CELF2: variants seen among roughly 807,000 people sequenced by gnomAD.
The protein encoded by CELF2 is CUGBP Elav-like family member 2.
Under a neutral mutation model 62.6 loss-of-function variants are expected in CELF2, and 8 were observed. The observed-to-expected ratio is 0.13, with a 90% CI of 0.07 to 0.23. The LOEUF is 0.23. Among genes scored for constraint, CELF2 ranks in the 10% least tolerant of loss-of-function variants. CELF2 has a pLI of 1.00. For missense variants in CELF2, 333 were observed against 671.0 expected (o/e 0.50, Z 5.56); for synonymous variants, 258 against 250.0 (o/e 1.03, Z -0.30).
chr10:11,028,815 G>A (rs1356955616), intron 1 of CELF2, among the ~76,000 whole-genome samples: 1 of 150,878 alleles, frequency 6.6e-6, no homozygotes, highest in South Asian at 2.1e-4. Flanking sequence ...CACCTCCTGG[G>A]TTCAAGTGAT....
chr10:10,578,187 C>T, the CELF2 span, among the ~76,000 whole-genome samples: 4 of 152,048 alleles, frequency 2.6e-5, no homozygotes, highest in Non-Finnish European at 4.4e-5. Flanking sequence ...TCATATCCTT[C>T]ACCCACTTTT....
chr10:11,224,469 T>C lies in CELF2; in HGVS notation c.354+6962T>C, dbSNP rs1286071681. 6.6e-6 allele frequency among the ~76,000 whole-genome samples: 1 copy of C among 152,194 alleles called. No homozygotes were observed. Among genetic ancestry groups the C allele is most frequent in the Non-Finnish European group, 1.5e-5 (1 of 68,048 alleles). On this transcript the variant is annotated intron_variant, in intron 3 of 12. Coordinates refer to ENST00000633077, the MANE Select transcript of CELF2 (RefSeq NM_001326342.2). The surrounding 1 kb of genome is among the most constrained non-coding windows in gnomAD (Gnocchi z 4.5). ...TTAAACTGGGAATATGCAGTTCACT[T>C]ACGTCGACCTTAGTTCCCAAAAGGT...
intron 1 of CELF2, among the ~76,000 whole-genome samples, chr10:11,025,398 C>T (rs976134256): frequency 9.2e-5 from 14 of 152,020 alleles, no homozygotes; most frequent in Non-Finnish European, 4.4e-5. Flanking sequence ...GACAGTTTCT[C>T]GTGTGCTGTC....
At chr10:11,127,809 A>G (rs926634103) in intron 1 of CELF2, among the ~76,000 whole-genome samples, 1 of 152,106 alleles carries the variant, frequency 6.6e-6, no homozygotes, top group Non-Finnish European at 1.5e-5. Flanking sequence ...AGATTGTAAC[A>G]ATTTTCTCCC....
chr10:10,912,349 C>G (rs1331395985), intron 1 of CELF2, among the ~76,000 whole-genome samples: 2 of 152,114 alleles, frequency 1.3e-5, no homozygotes, highest in Non-Finnish European at 2.9e-5. Flanking sequence ...TGGTTTTTGT[C>G]TATCTCCCAC....
intron 2 of CELF2, among the ~76,000 whole-genome samples, chr10:11,196,407 A>G (rs925497243): frequency 2.0e-5 from 3 of 152,260 alleles, no homozygotes; most frequent in African/African-American, 7.2e-5. Flanking sequence ...CACACCTGTA[A>G]TCCCAGCACT....
chr10:10,537,305 T>C, the CELF2 span, among the ~76,000 whole-genome samples: 1 of 152,158 alleles, frequency 6.6e-6, no homozygotes, highest in South Asian at 2.1e-4. Flanking sequence ...TCAGTAGCTT[T>C]ATAACCGGCC....
At chr10:11,128,091 C>G (rs973494028) in intron 1 of CELF2, among the ~76,000 whole-genome samples, 14 of 152,178 alleles carry the variant, frequency 9.2e-5, no homozygotes, top group Non-Finnish European at 1.6e-4. Flanking sequence ...TTTCAGCTTT[C>G]TACATATGGC....
intron 1 of CELF2, among the ~76,000 whole-genome samples, chr10:10,846,447 T>C (rs766342366): frequency 1.1e-4 from 16 of 152,152 alleles, no homozygotes; most frequent in Non-Finnish European, 1.9e-4. Flanking sequence ...CAAATATTAT[T>C]GAAATAAGCA....
chr10:11,037,457 C>G (rs2061144480), intron 1 of CELF2, among the ~76,000 whole-genome samples: 1 of 152,226 alleles, frequency 6.6e-6, no homozygotes, highest in South Asian at 2.1e-4. Flanking sequence ...TGTTTCTCAA[C>G]TTGTGATCTT....
intron 2 of CELF2, among the ~76,000 whole-genome samples, chr10:10,941,354 G>A (rs2047029371): frequency 6.6e-6 from 1 of 152,198 alleles, no homozygotes. Flanking sequence ...GCCAGCTACA[G>A]AGGAGTGTGG....
chr10:10,595,831 G>A, the CELF2 span, among the ~76,000 whole-genome samples: 7 of 152,140 alleles, frequency 4.6e-5, no homozygotes, highest in African/African-American at 1.7e-4. Context: ...AGGGGGTGGA[G>A]GTTGCAGTGA....
At chr10:11,058,253 C>G (rs2065798137) in intron 1 of CELF2, among the ~76,000 whole-genome samples, 1 of 152,108 alleles carries the variant, frequency 6.6e-6, no homozygotes, top group East Asian at 1.9e-4. Context: ...AATTATTCTC[C>G]TGTAGTCTGA....
chr10:11,269,270 G>C lies in CELF2; in HGVS notation c.619-1396G>C, dbSNP rs1165951401. ...ACTGACATTTAACATTCTGTACCAT[G>C]ACTCTGTCTACCAGAGCTGAAGACC... On this transcript the variant is annotated intron_variant, in intron 6 of 12. Coordinates refer to ENST00000633077, the MANE Select transcript of CELF2 (RefSeq NM_001326342.2). This position sits in a 1 kb window ranked among gnomAD's most constrained non-coding sequence, Gnocchi z 4.4. Among the ~76,000 whole-genome samples the C allele has an allele frequency of 6.6e-6, 1 of 152,160 alleles. No homozygotes were observed. Among genetic ancestry groups the C allele is most frequent in the African/African-American group, 2.4e-5 (1 of 41,436 alleles).
the CELF2 span, among the ~76,000 whole-genome samples, chr10:10,784,153 G>A: frequency 1.3e-5 from 2 of 152,180 alleles, no homozygotes; most frequent in East Asian, 3.9e-4. Flanking sequence ...CTTGCAGGAT[G>A]AGCAACAGGG....
chr10:11,123,435 G>T (rs2058125699), intron 1 of CELF2, among the ~76,000 whole-genome samples: 1 of 152,006 alleles, frequency 6.6e-6, no homozygotes, highest in South Asian at 2.1e-4. Context: ...ATTTTTTGTA[G>T]AGACAGGGTC....
intron 1 of CELF2, among the ~76,000 whole-genome samples, chr10:11,032,942 T>C (rs1450498191): frequency 1.3e-5 from 2 of 152,178 alleles, no homozygotes; most frequent in African/African-American, 2.4e-5. Context: ...CAAATGTATG[T>C]TGGGTTTTGG....
the CELF2 span, among the ~76,000 whole-genome samples, chr10:10,518,615 G>C: frequency 6.6e-5 from 10 of 152,104 alleles, no homozygotes; most frequent in Non-Finnish European, 1.2e-4. Flanking sequence ...GAAATACTAA[G>C]TGCTGATGTA....
chr10:10,969,627 C>T (rs979075571), intron 2 of CELF2, among the ~76,000 whole-genome samples: 1 of 152,076 alleles, frequency 6.6e-6, no homozygotes, highest in Non-Finnish European at 1.5e-5. Context: ...TCATTGTGCA[C>T]ACTTATTATT....
Sources: allele counts gnomAD v4.1 joint callset (sites outside exome capture counted in the v4.1 genomes callset), GRCh38; gene constraint gnomAD v4.1.1; non-coding constraint Gnocchi (gnomAD v3.1); transcripts MANE v1.5; gene names NCBI Gene and HGNC (gene_info 2026-07-23, HGNC 2026-07-21).